Variants in ADRM1 observed in about 807,000 individuals in gnomAD.
The protein encoded by ADRM1 is ADRM1 26S proteasome ubiquitin receptor.
In ADRM1, 2 loss-of-function variants were observed where a neutral mutation model predicts 40.1. That is an observed-to-expected ratio of 0.05 (90% CI 0.02 to 0.16). The LOEUF is 0.16. ADRM1 is among the 10% of genes least tolerant of loss of function. The probability of loss-of-function intolerance (pLI) is 1.00; values close to 1 mark genes in which losing one functional copy is unlikely to be tolerated. For synonymous variants in ADRM1, 287 were observed against 240.4 expected, an observed-to-expected ratio of 1.19 and a Z score of -1.79; for missense variants, 467 against 552.5, an observed-to-expected ratio of 0.85 and a Z score of 1.55.
chr20:62,303,924 C>A, intron 2 of ADRM1, 143 bp downstream of exon 2: 1 of 768,968 alleles, frequency 1.3e-6, no homozygotes, highest in Non-Finnish European at 2.1e-6. Flanking sequence ...ATGGGTCGTC[C>A]TGGTTTCCGC....
intron 3 of ADRM1, 59 bp from the exon 4 acceptor site, chr20:62,306,138 G>C (rs951969938): frequency 1.9e-6 from 3 of 1,574,262 alleles, no homozygotes; most frequent in Non-Finnish European, 2.6e-6. Flanking sequence ...GAGGATGGCT[G>C]TGGTGGCCCT....
chr20:62,306,502 C>A, intron 4 of ADRM1, 146 bp from the exon 5 acceptor site: 1 of 1,279,054 alleles, frequency 7.8e-7, no homozygotes, highest in Non-Finnish European at 1.1e-6. Context: ...GACGGGTCTG[C>A]ATCCCACCGT....
chr20:62,306,816 C>A, intron 5 of ADRM1, 82 bp downstream of exon 5: 2 of 1,293,600 alleles, frequency 1.5e-6, no homozygotes, highest in Non-Finnish European at 1.1e-6. Flanking sequence ...TAAACTTCTG[C>A]TGGCTCTGTC....
Position 62,308,133 on chromosome 20 carries a change from C to G in ADRM1, c.969C>G (p.Thr323=). 3.1e-6 allele frequency: 5 copies of G among 1,609,372 alleles called. No individual in the cohort carries two copies. The highest frequency in any genetic ancestry group is 4.2e-6 in the Non-Finnish European group (5 of 1,179,828). The change falls in exon 8 of 10, where the codon ACC becomes ACG. Residue 323 remains threonine, a synonymous_variant. Transcript: ENST00000253003. ...YLPSGESLPQ[T]ADEIQNTLTS... is the part of the protein sequence containing the mutation. ...CATCTGGGGAGTCGCTGCCGCAGACCGCGGATGAGATCCAGAATACCCTGA... is the reference window on the plus strand; with the variant it reads ...CATCTGGGGAGTCGCTGCCGCAGACGGCGGATGAGATCCAGAATACCCTGA...
intron 3 of ADRM1, chr20:62,305,737 C>T (rs1568870219): frequency 5.3e-6 from 1 of 187,094 alleles, no homozygotes; most frequent in Non-Finnish European, 1.1e-5. Flanking sequence ...GATCTGTGCA[C>T]ATGTGTGTGC....
chr20:62,307,537 G>T, intron 6 of ADRM1, 59 bp from the exon 7 acceptor site: 2 of 1,599,568 alleles, frequency 1.3e-6, no homozygotes, highest in African/African-American at 1.3e-5. Flanking sequence ...CCTGGACCCT[G>T]CGAGTAGGCC....
intron 5 of ADRM1, 58 bp from the exon 6 acceptor site, chr20:62,307,313 A>G (rs1985172474): frequency 2.0e-6 from 3 of 1,514,042 alleles, no homozygotes; most frequent in Non-Finnish European, 2.7e-6. Context: ...GGGAGGGGCC[A>G]GGCTCTTTCT....
At chr20:62,307,855 G>T (rs773576089) in intron 7 of ADRM1, 27 bp downstream of exon 7, 2 of 1,580,350 alleles carry the variant, frequency 1.3e-6, no homozygotes, top group East Asian at 2.3e-5. Context: ...CCTGGAGCTG[G>T]GTGGGGGGCA....
chr20:62,303,501 G>A, intron 1 of ADRM1, 67 bp from the exon 2 acceptor site: 2 of 1,488,782 alleles, frequency 1.3e-6, no homozygotes, highest in Non-Finnish European at 1.8e-6. Context: ...CACCCCAGGG[G>A]GCGGGAGCTT....
At position 62,308,807 on chromosome 20, in the gene ADRM1, A is replaced by C; in HGVS notation, c.*46A>C. On this transcript the variant is annotated 3_prime_UTR_variant, in exon 10 of 10. Coordinates refer to ENST00000253003, the MANE Select transcript of ADRM1 (RefSeq NM_007002.4). Reference sequence around the variant, plus strand: ...GAACTGGGCGCTTGCAGTGCGTTGCACACCCTCACCTCCCACCCACTGATT... The same window carrying C: ...GAACTGGGCGCTTGCAGTGCGTTGCCCACCCTCACCTCCCACCCACTGATT... 4 of 1,604,108 alleles carry C rather than the reference A, an allele frequency of 2.5e-6. No homozygotes were observed. The highest frequency in any genetic ancestry group is 3.4e-6 in the Non-Finnish European group (4 of 1,175,778).
chr20:62,308,585 G>A (rs1985532888), intron 9 of ADRM1, 70 bp from the exon 10 acceptor site: 2 of 1,588,176 alleles, frequency 1.3e-6, no homozygotes, highest in South Asian at 2.2e-5. Context: ...TTCTGCCCTT[G>A]ATCCCATCGC....
In ADRM1 at chr20:62,303,558, G is replaced by A. The variant is rs966688723; in HGVS notation, c.-1-10G>A. 1.9e-6 allele frequency: 3 copies of A among 1,561,094 alleles called. No homozygotes were observed. In the African/African-American group the frequency reaches 4.1e-5, roughly 21 times the overall value. ...ACCGCCGCGTCTCAGCGTCCTCTCC[G>A]CGCTTTCAGGATGACGACCTCAGGC... On this transcript the variant is annotated splice_polypyrimidine_tract_variant and intron_variant, in intron 1 of 9. Transcript: ENST00000253003.
chr20:62,303,485 C>A (rs1046965974), intron 1 of ADRM1, 83 bp from the exon 2 acceptor site: 3 of 1,402,104 alleles, frequency 2.1e-6, no homozygotes, highest in East Asian at 2.3e-5. Context: ...GCCCCCTGCT[C>A]GCAAACACCC....
rs201558782 is a variant in ADRM1, at chr20:62,303,538, C to G, written c.-1-30C>G. The G allele has an allele frequency of 4.7e-5, 72 of 1,544,678 alleles. No homozygotes were observed. In the East Asian group the frequency reaches 1.6e-3, roughly 35 times the overall value. ...CCGGACCGCAGGCGACAGTGACCGC[C>G]GCGTCTCAGCGTCCTCTCCGCGCTT... On this transcript the variant is annotated intron_variant, in intron 1 of 9. Coordinates refer to ENST00000253003, the MANE Select transcript of ADRM1 (RefSeq NM_007002.4).
rs1455121781 is a variant in ADRM1 at position 62,307,404 on chromosome 20, C to G, written c.575C>G (p.Ala192Gly). 6.2e-7 allele frequency: 1 copy of G among 1,604,934 alleles called. No homozygotes were observed. The highest frequency in any genetic ancestry group is 1.3e-5 in the African/African-American group (1 of 74,386). Reference protein sequence around the residue: ...GLGALTGPGLASLLGSSGPPG... With the variant: ...GLGALTGPGLGSLLGSSGPPG... ...GGGGCCCTGACTGGACCTGGCCTGG[C>G]CAGCTTACTGGGGAGCAGTGGGCCT... Residue 192 changes from alanine (A) to glycine (G), a missense_variant, in exon 6 of 10, where the codon GCC becomes GGC. Around this residue, in one of 3 missense-constraint regions of ADRM1, gnomAD observed 418 missense variants for 474.6 expected, o/e 0.88. Transcript: ENST00000253003.
In ADRM1 at chr20:62,308,697, C is replaced by T. The variant is rs2146014332; in HGVS notation, c.1160C>T (p.Pro387Leu). 1 of 1,612,842 alleles carries T rather than the reference C, an allele frequency of 6.2e-7. No individual in the cohort carries two copies. The highest frequency in any genetic ancestry group is 2.2e-5 in the East Asian group (1 of 44,884). ...AAAGCCATGCAGAACAACGCCAAGC[C>T]CGAGCAGAAAGAGGGCGACACGAAG... ...FAKAMQNNAK[P>L]EQKEGDTKDK... Residue 387 changes from proline (P) to leucine (L), a missense_variant, in exon 10 of 10, where the codon CCC becomes CTC. Physicochemically the swap from Pro to Leu is moderately conservative, Grantham distance 98. Coordinates refer to ENST00000253003, the MANE Select transcript of ADRM1 (RefSeq NM_007002.4).
In ADRM1 at chr20:62,306,655, T is replaced by G; in HGVS notation, c.462T>G (p.Gly154=). ...GHELSALGGE[G]GLQSLLGNMS... ...AGCTGCAGTGTTTTCCAGGTGAGGG[T>G]GGCCTGCAGAGCCTGCTGGGAAACA... Residue 154 remains glycine, a synonymous_variant, in exon 5 of 10, where the codon GGT becomes GGG. Transcript: ENST00000253003. 6.2e-7 allele frequency: 1 copy of G among 1,607,564 alleles called. No individual in the cohort carries two copies. The highest frequency in any genetic ancestry group is 8.5e-7 in the Non-Finnish European group (1 of 1,177,624).
chr20:62,307,541 G>A, intron 6 of ADRM1, 55 bp from the exon 7 acceptor site: 1 of 1,600,104 alleles, frequency 6.2e-7, no homozygotes. Context: ...GACCCTGCGA[G>A]TAGGCCCTGC....
At position 62,304,463 on chromosome 20, in the gene ADRM1, C is replaced by G. The variant is rs760438229; in HGVS notation, c.216C>G (p.Asp72Glu). ...KDRTSGNVED[D>E]LIIFPDDCEF... ...TCTCTCTTCCCCTGGCTTGCCAGGA[C>G]TTGATCATCTTCCCTGACGACTGTG... The change falls in exon 3 of 10, where the codon GAC becomes GAG. Residue 72 changes from aspartate to glutamate, a missense_variant and splice_region_variant. Coordinates refer to ENST00000253003, the MANE Select transcript of ADRM1 (RefSeq NM_007002.4). The G allele has an allele frequency of 6.2e-7, 1 of 1,613,438 alleles. No homozygotes were observed. The highest frequency in any genetic ancestry group is 8.5e-7 in the Non-Finnish European group (1 of 1,179,650).
Sources: allele counts gnomAD v4.1 joint callset, GRCh38; gene constraint gnomAD v4.1.1; regional missense constraint gnomAD v4.1.1; transcripts MANE v1.5; gene names NCBI Gene and HGNC (gene_info 2026-07-23, HGNC 2026-07-21).